TTC39A: variants seen among roughly 807,000 people sequenced by gnomAD.
The protein encoded by TTC39A is tetratricopeptide repeat protein 39A.
In TTC39A, 46 loss-of-function variants were observed where a neutral mutation model predicts 82.3. The observed-to-expected ratio is 0.56, with a 90% CI of 0.44 to 0.71. The LOEUF (loss-of-function observed/expected upper bound fraction) is 0.71, where lower values mean the gene tolerates loss of function less well. Ranked by LOEUF, TTC39A falls within the 30% of genes least tolerant of loss-of-function variation. The pLI is 0.00. For missense variants in TTC39A, 543 were observed against 712.9 expected (o/e 0.76, Z 2.71); for synonymous variants, 254 against 275.2 (o/e 0.92, Z 0.76).
At chr1:51,334,947 G>A (rs371847285), upstream of TTC39A, 3 of 152,328 alleles carry the variant, frequency 2.0e-5, no homozygotes, top group African/African-American at 7.2e-5. Flanking sequence ...CCAGCACAGG[G>A]GAGTCTGTGA....
At position 51,337,226 on chromosome 1, in the gene TTC39A, A is replaced by G. The variant is rs190591837; in HGVS notation, c.53+7765T>C. 2.7e-3 allele frequency among the ~76,000 whole-genome samples: 416 copies of G among 151,546 alleles called. 3 individuals carry two copies. Among genetic ancestry groups the G allele is most frequent in the African/African-American group, 9.7e-3 (400 of 41,302 alleles). On this transcript the variant is annotated intron_variant, in intron 1 of 5. Transcript: ENST00000401051. Reference sequence around the variant, plus strand: ...TCATCTCCCGACATCATTTCCCTTTATTCCCTCTCTTATTTCAGCCACACC... The same window carrying G: ...TCATCTCCCGACATCATTTCCCTTTGTTCCCTCTCTTATTTCAGCCACACC...
At chr1:51,318,465 G>T (rs1272462245) in intron 2 of TTC39A, among the ~76,000 whole-genome samples, 1 of 152,152 alleles carries the variant, frequency 6.6e-6, no homozygotes, top group South Asian at 2.1e-4. Flanking sequence ...TGGGAGTATG[G>T]TGTGGAGACT....
intron 13 of TTC39A, chr1:51,295,825 C>T (rs542250591): frequency 7.0e-6 from 4 of 568,004 alleles, no homozygotes; most frequent in South Asian, 2.0e-5. Flanking sequence ...CGGAGGAAGA[C>T]GATATTAGCA....
chr1:51,336,687 A>C (rs902497548), intron 1 of TTC39A, among the ~76,000 whole-genome samples: 1 of 152,108 alleles, frequency 6.6e-6, no homozygotes, highest in African/African-American at 2.4e-5. Context: ...AGTCCCAAGC[A>C]ATTCATCCGA....
At chr1:51,305,031 C>T (rs1644817236) in intron 8 of TTC39A, 50 bp downstream of exon 8, 1 of 1,602,744 alleles carries the variant, frequency 6.2e-7, no homozygotes, top group Non-Finnish European at 8.5e-7. Context: ...GCAGCCCAGC[C>T]CCAGTTCTGG....
intron 1 of TTC39A, among the ~76,000 whole-genome samples, chr1:51,341,184 C>T (rs538892291): frequency 8.4e-6 from 1 of 119,388 alleles, no homozygotes; most frequent in African/African-American, 3.1e-5. Context: ...ACCGCCCCCC[C>T]ACCCCCCGCC....
intron 7 of TTC39A, chr1:51,305,582 G>C (rs540204239): frequency 1.4e-4 from 44 of 312,828 alleles, no homozygotes; most frequent in African/African-American, 5.8e-4. Context: ...TTAGTTCTCT[G>C]TCCCCTCTAA....
intron 15 of TTC39A, 117 bp from the exon 16 acceptor site, chr1:51,290,236 T>C (rs1013433154): frequency 4.3e-5 from 40 of 925,018 alleles, no homozygotes; most frequent in Non-Finnish European, 6.3e-5. Flanking sequence ...ACACAGTCCC[T>C]GTCCTCAGCA....
At position 51,288,323 on chromosome 1, in the gene TTC39A, C is replaced by T. The variant is rs1402494421; in HGVS notation, c.1611-43G>A. On this transcript the variant is annotated intron_variant, in intron 17 of 17. Transcript: ENST00000680483. This position sits in a 1 kb window ranked among gnomAD's most constrained non-coding sequence, Gnocchi z 4.8. Reference sequence around the variant, plus strand: ...ATCAGACACATGAGGCTGCCTGCTCCCAGAGATGCTTTTCCTCCTGTTTGA... The same window carrying T: ...ATCAGACACATGAGGCTGCCTGCTCTCAGAGATGCTTTTCCTCCTGTTTGA... The T allele has an allele frequency of 6.2e-7, 1 of 1,612,844 alleles. No individual in the cohort carries two copies. The highest frequency in any genetic ancestry group is 8.5e-7 in the Non-Finnish European group (1 of 1,179,208).
At chr1:51,332,631 C>T (rs1557748290), upstream of TTC39A, among the ~76,000 whole-genome samples, 1 of 152,240 alleles carries the variant, frequency 6.6e-6, no homozygotes, top group Non-Finnish European at 1.5e-5. Context: ...GTTGTTACAG[C>T]GGACACAGGC....
chr1:51,309,745 G>A (rs568414417), intron 5 of TTC39A, among the ~76,000 whole-genome samples: 1 of 152,290 alleles, frequency 6.6e-6, no homozygotes, highest in South Asian at 2.1e-4. Context: ...ACACCCAACG[G>A]AAACGGATGG....
chr1:51,331,652 G>A (rs1345001007), upstream of TTC39A: 2 of 985,212 alleles, frequency 2.0e-6, no homozygotes, highest in African/African-American at 1.7e-5. Context: ...CAGGCTGCCT[G>A]GAAAGGCAGT....
intron 6 of TTC39A, among the ~76,000 whole-genome samples, chr1:51,308,160 T>C (rs1273009679): frequency 3.3e-5 from 5 of 152,204 alleles, no homozygotes; most frequent in African/African-American, 2.4e-5. Context: ...GTCACTCTTG[T>C]GCTGTTTCCA....
intron 1 of TTC39A, among the ~76,000 whole-genome samples, chr1:51,338,878 C>T (rs532771987): frequency 6.6e-6 from 1 of 152,288 alleles, no homozygotes; most frequent in South Asian, 2.1e-4. Context: ...GCTGGGATTA[C>T]AGGTGTGAGC....
intron 6 of TTC39A, among the ~76,000 whole-genome samples, 170 bp from the exon 7 acceptor site, chr1:51,306,246 T>C (rs1644863669): frequency 6.6e-6 from 1 of 152,160 alleles, no homozygotes; most frequent in Non-Finnish European, 1.5e-5. Flanking sequence ...CCCACCATGA[T>C]AACACACTCC....
chr1:51,329,810 G>A (rs576982289), intron 1 of TTC39A: 1 of 152,526 alleles, frequency 6.6e-6, no homozygotes, highest in South Asian at 2.1e-4. Context: ...GGTGATCTAG[G>A]TAGGGGTCCT....
At chr1:51,341,348 C>T (rs764480063) in intron 1 of TTC39A, among the ~76,000 whole-genome samples, 1 of 152,074 alleles carries the variant, frequency 6.6e-6, no homozygotes, top group Non-Finnish European at 1.5e-5. Flanking sequence ...GAGAATGGAG[C>T]TGGCCACAGA....
In TTC39A at chr1:51,312,892, C is replaced by T; in HGVS notation, c.198G>A (p.Met66Ile). The stretch of plus-strand genomic sequence containing the variant: ...GAGGGTCAAAGGTCATCATGGCCTG[C>T]ATCTCCAGGATGGTGGCATATGTCA... ...HSLTYATILE[M>I]QAMMTFDPQD... The change falls in exon 3 of 18, where the codon ATG becomes ATA. Residue 66 changes from methionine to isoleucine, a missense_variant. By Grantham distance (10) the Met-to-Ile change is conservative. Transcript: ENST00000680483. 1 of 1,613,918 alleles carries T rather than the reference C, an allele frequency of 6.2e-7. No individual in the cohort carries two copies.
intron 9 of TTC39A, 23 bp downstream of exon 9, chr1:51,303,061 C>T (rs1280961464): frequency 9.6e-6 from 15 of 1,563,096 alleles, no homozygotes; most frequent in Non-Finnish European, 1.3e-5. Flanking sequence ...ACCCCAGGGC[C>T]CCAGGTCCCC....
Sources: allele counts gnomAD v4.1 joint callset (sites outside exome capture counted in the v4.1 genomes callset), GRCh38; gene constraint gnomAD v4.1.1; non-coding constraint Gnocchi (gnomAD v3.1); transcripts MANE v1.5; gene names NCBI Gene and HGNC (gene_info 2026-07-23, HGNC 2026-07-21).